Variants in PTCD2 observed in about 807,000 individuals in gnomAD.
PTCD2 encodes pentatricopeptide repeat domain 2.
PTCD2 carries 31 observed loss-of-function variants against 42.6 expected under a neutral mutation model. The ratio of observed to expected loss-of-function variants is 0.73; its 90% CI spans 0.55 to 0.98. The LOEUF (loss-of-function observed/expected upper bound fraction) is 0.98, where lower values mean the gene tolerates loss of function less well. PTCD2 is among the 50% of genes least tolerant of loss of function. The probability of loss-of-function intolerance (pLI) is 0.00; values close to 1 mark genes in which losing one functional copy is unlikely to be tolerated. For missense variants in PTCD2, 476 were observed against 454.8 expected, an observed-to-expected ratio of 1.05 and a Z score of -0.42; for synonymous variants, 183 against 170.9, an observed-to-expected ratio of 1.07 and a Z score of -0.55.
chr5:72,350,551 T>A (rs912098426), intron 8 of PTCD2, among the ~76,000 whole-genome samples: 2 of 152,206 alleles, frequency 1.3e-5, no homozygotes, highest in Non-Finnish European at 2.9e-5. Context: ...ATAAAAGCAG[T>A]CAGTGCTTTT....
intron 7 of PTCD2, among the ~76,000 whole-genome samples, chr5:72,342,462 G>C (rs1402265046): frequency 1.3e-5 from 2 of 152,180 alleles, no homozygotes; most frequent in African/African-American, 2.4e-5. Flanking sequence ...AGGAATTTAG[G>C]TTTTGTACTT....
chr5:72,338,385 A>G (rs1329900374), intron 6 of PTCD2, among the ~76,000 whole-genome samples: 1 of 152,202 alleles, frequency 6.6e-6, no homozygotes, highest in Admixed American at 6.5e-5. Context: ...AAACTGCCCC[A>G]ATTCAGAAAA....
At chr5:72,344,926 A>T (rs931802708) in intron 8 of PTCD2, among the ~76,000 whole-genome samples, 6 of 152,204 alleles carry the variant, frequency 3.9e-5, no homozygotes, top group Admixed American at 3.3e-4. Context: ...AGATCACAGG[A>T]CCACAGGACC....
intron 4 of PTCD2, 75 bp from the exon 5 acceptor site, chr5:72,334,943 A>G (rs1751648228): frequency 1.2e-6 from 1 of 865,072 alleles, no homozygotes; most frequent in Non-Finnish European, 2.0e-6. Context: ...ACCTGGCTAG[A>G]TAAGAGACAG....
chr5:72,338,584 G>C (rs755102384), intron 6 of PTCD2, 38 bp from the exon 7 acceptor site: 7 of 1,101,656 alleles, frequency 6.4e-6, no homozygotes, highest in Non-Finnish European at 8.2e-6. Flanking sequence ...GAACTTAAAG[G>C]TTTATAACAT....
At chr5:72,351,436 T>A (rs974054040) in intron 8 of PTCD2, among the ~76,000 whole-genome samples, 1 of 152,202 alleles carries the variant, frequency 6.6e-6, no homozygotes, top group Non-Finnish European at 1.5e-5. Context: ...TGCAACTTCC[T>A]AAAAACAGAA....
rs936894557 is a variant in PTCD2, at chr5:72,338,747, T to G, written c.753+12T>G. ...TAGCTCTGAATCAGGTAAAGCCTTG[T>G]GGTGTACATAAGTAAATTGGGAGTG... On this transcript the variant is annotated intron_variant, in intron 7 of 9. Coordinates refer to ENST00000380639, the MANE Select transcript of PTCD2 (RefSeq NM_024754.5). The G allele has an allele frequency of 1.3e-6, 2 of 1,486,608 alleles. No individual in the cohort carries two copies. Among genetic ancestry groups the G allele is most frequent in the Non-Finnish European group, 1.9e-6 (2 of 1,070,340 alleles). The allele number at this position is 1,486,608 out of a possible 1,614,324, so 92.1% of individuals were successfully genotyped here.
rs1220207710 is a variant in PTCD2 at position 72,363,371 on chromosome 5, C to G, written c.*4944C>G. On this transcript the variant is annotated 3_prime_UTR_variant, in exon 10 of 10. Coordinates refer to ENST00000380639, the MANE Select transcript of PTCD2 (RefSeq NM_024754.5). ...AGTCAGGGCCCAAGAATTTGCATTA[C>G]AAATGCATTCTCAGATGATGCCTTT... The G allele has an allele frequency of 6.6e-6, 1 of 152,260 alleles. No homozygotes were observed. Among genetic ancestry groups the G allele is most frequent in the African/African-American group, 2.4e-5 (1 of 41,472 alleles). The allele number at this position is 152,260 out of a possible 1,614,324, so 9.4% of individuals were successfully genotyped here.
intron 8 of PTCD2, 87 bp downstream of exon 8, chr5:72,343,123 C>A: frequency 1.7e-6 from 1 of 592,734 alleles, no homozygotes; most frequent in Non-Finnish European, 2.6e-6. Context: ...AATTTTTTAG[C>A]TGTATACAAT....
chr5:72,332,955 A>G (rs1225209553), intron 4 of PTCD2, among the ~76,000 whole-genome samples: 1 of 152,248 alleles, frequency 6.6e-6, no homozygotes, highest in Non-Finnish European at 1.5e-5. Context: ...CATCTTGGAT[A>G]TAGTGGGTTA....
Position 72,362,732 on chromosome 5 carries a change from C to G in PTCD2, c.*4305C>G, listed in dbSNP as rs1006228692. ...ATCTATTTTGAGAATCTACAAAGGA[C>G]AAGGCACTACGAAAGACTCTACATG... On this transcript the variant is annotated 3_prime_UTR_variant, in exon 10 of 10. Coordinates refer to ENST00000380639, the MANE Select transcript of PTCD2 (RefSeq NM_024754.5). The G allele has an allele frequency of 3.3e-5, 5 of 152,158 alleles. No individual in the cohort carries two copies. The highest frequency in any genetic ancestry group is 1.2e-4 in the African/African-American group (5 of 41,424). The allele number at this position is 152,158 out of a possible 1,614,324, so 9.4% of individuals were successfully genotyped here.
chr5:72,342,057 A>G (rs956677125), intron 7 of PTCD2, among the ~76,000 whole-genome samples: 3 of 151,332 alleles, frequency 2.0e-5, no homozygotes, highest in Non-Finnish European at 2.9e-5. Context: ...AAAAATAATA[A>G]TAAAATAAAA....
Position 72,352,541 on chromosome 5 carries a change from G to T in PTCD2, c.829-100G>T. On this transcript the variant is annotated intron_variant, in intron 8 of 9. Transcript: ENST00000380639. Reference sequence around the variant, plus strand: ...AAATTAGGAAGTAGGATCAAAGCAGGGTAGGTGCCTATAAATGAAGGCTTA... The same window carrying T: ...AAATTAGGAAGTAGGATCAAAGCAGTGTAGGTGCCTATAAATGAAGGCTTA... 5.0e-6 allele frequency: 3 copies of T among 604,632 alleles called. No homozygotes were observed. The South Asian group carries it at 6.6e-5, about 13-fold the overall frequency. 37.5% of individuals were successfully genotyped at this position (604,632 alleles called of 1,614,324 possible). A position where few individuals can be genotyped will look rare whatever the true frequency, so the allele number is the denominator to read the frequency against.
At chr5:72,329,037 A>G (rs1751289312) in intron 3 of PTCD2, among the ~76,000 whole-genome samples, 1 of 152,248 alleles carries the variant, frequency 6.6e-6, no homozygotes, top group Admixed American at 6.5e-5. Context: ...ACAAAGTTAA[A>G]TCATTTCCCT....
chr5:72,323,256 G>A (rs1204356118), intron 2 of PTCD2, among the ~76,000 whole-genome samples: 1 of 152,188 alleles, frequency 6.6e-6, no homozygotes, highest in Non-Finnish European at 1.5e-5. Context: ...GATTGAGGCT[G>A]GGTAATGGCA....
intron 5 of PTCD2, 46 bp downstream of exon 5, chr5:72,335,142 C>T (rs1225241572): frequency 1.8e-6 from 2 of 1,099,786 alleles, no homozygotes; most frequent in East Asian, 4.8e-5. Context: ...GCCATGTTTG[C>T]TGGCATAGGA....
rs565737155 is a variant in PTCD2 at position 72,331,294 on chromosome 5, G to C, written c.387G>C (p.Glu129Asp). The C allele has an allele frequency of 3.3e-5, 54 of 1,613,966 alleles. No homozygotes were observed. In the South Asian group the frequency reaches 5.4e-4, roughly 16 times the overall value. Residue 129 changes from glutamate (E) to aspartate (D), a missense_variant, in exon 4 of 10, where the codon GAG becomes GAC. By Grantham distance (45) the Glu-to-Asp change is conservative. Coordinates refer to ENST00000380639, the MANE Select transcript of PTCD2 (RefSeq NM_024754.5). ...AGAACAAAAATTTCACTTTGGGGGA[G>C]TATAAATTTGGACCGCTTTTTGTGA... ...HAENKNFTLG[E>D]YKFGPLFVRL...
chr5:72,340,200 T>C (rs1048344577), intron 7 of PTCD2, among the ~76,000 whole-genome samples: 1 of 152,214 alleles, frequency 6.6e-6, no homozygotes, highest in South Asian at 2.1e-4. Context: ...TAGTTTTGAT[T>C]TTCTTAATTA....
chr5:72,330,421 A>T (rs1161120252), intron 3 of PTCD2, among the ~76,000 whole-genome samples: 1 of 152,182 alleles, frequency 6.6e-6, no homozygotes, highest in Admixed American at 6.5e-5. Flanking sequence ...TCCCCAAGGT[A>T]TTTTAGATTC....
Sources: gnomAD v4.1 joint callset for allele counts (sites outside exome capture counted in the v4.1 genomes callset) on GRCh38, gnomAD v4.1.1 for gene constraint, MANE v1.5 for transcripts, NCBI Gene and HGNC (gene_info 2026-07-23, HGNC 2026-07-21) for gene names.